The following CPEB3 variants were observed in gnomAD, a reference collection of about 807,000 sequenced individuals.
CPEB3 encodes cytoplasmic polyadenylation element-binding protein 3.
CPEB3 carries 20 observed loss-of-function variants against 67.2 expected under a neutral mutation model. The ratio of observed to expected loss-of-function variants is 0.30; its 90% CI spans 0.21 to 0.43. The LOEUF is 0.43. CPEB3 is among the 20% of genes least tolerant of loss of function. The pLI is 1.00. For synonymous variants in CPEB3, 376 were observed against 393.1 expected (o/e 0.96, Z 0.51); for missense variants, 746 against 968.6 (o/e 0.77, Z 3.05).
chr10:92,263,176 A>G (rs1852886715), intron 1 of CPEB3, among the ~76,000 whole-genome samples: 2 of 152,190 alleles, frequency 1.3e-5, no homozygotes, highest in African/African-American at 4.8e-5. Context: ...CCCAGGTTCA[A>G]GCAATTCTCA....
chr10:92,217,185 C>T (rs1220765585), intron 2 of CPEB3, among the ~76,000 whole-genome samples: 1 of 104,052 alleles, frequency 9.6e-6, no homozygotes, highest in Non-Finnish European at 1.8e-5. Context: ...TCCAGCCTGG[C>T]GACACAGCGA....
chr10:92,279,804 G>A (rs1842175664), intron 1 of CPEB3, among the ~76,000 whole-genome samples: 2 of 152,164 alleles, frequency 1.3e-5, no homozygotes, highest in Non-Finnish European at 2.9e-5. Flanking sequence ...GAACCCAGGA[G>A]TTTGAGACCA....
At chr10:92,214,609 A>G (rs943012044) in intron 2 of CPEB3, among the ~76,000 whole-genome samples, 14 of 152,044 alleles carry the variant, frequency 9.2e-5, no homozygotes, top group Non-Finnish European at 1.9e-4. Context: ...CAGTCCCCCA[A>G]GTAGCTGGGA....
intron 4 of CPEB3, among the ~76,000 whole-genome samples, chr10:92,176,657 T>C (rs879158314): frequency 2.0e-5 from 3 of 152,234 alleles, no homozygotes; most frequent in Non-Finnish European, 4.4e-5. Context: ...AAAGAGGAAC[T>C]GACCAGTCAA....
Position 92,245,934 on chromosome 10 carries a change from A to C in CPEB3, c.-11-5573T>G, listed in dbSNP as rs571406531. On this transcript the variant is annotated intron_variant, in intron 1 of 9. Coordinates refer to ENST00000265997, the MANE Select transcript of CPEB3 (RefSeq NM_014912.5). ...GCGCCTGTAATCCCATCTACTCAGG[A>C]GGCTGAGGCAGGAGAATCACTAGAA... is the stretch of plus-strand genomic sequence containing the variant. Among the ~76,000 whole-genome samples the C allele has an allele frequency of 4.6e-5, 7 of 152,170 alleles. No homozygotes were observed. The East Asian group carries it at 1.4e-3, about 29-fold the overall frequency.
intron 9 of CPEB3, among the ~76,000 whole-genome samples, chr10:92,057,173 TC>T (rs1284423184): frequency 6.6e-6 from 1 of 152,106 alleles, no homozygotes; most frequent in African/African-American, 2.4e-5. Context: ...GGTCCCCAAC[TC>T]TAGGACTTGA....
At chr10:92,114,412 T>C (rs1290322857) in intron 6 of CPEB3, among the ~76,000 whole-genome samples, 2 of 152,222 alleles carry the variant, frequency 1.3e-5, no homozygotes, top group East Asian at 1.9e-4. Context: ...ACAAGGTCAA[T>C]GTGAGGCGGA....
intron 2 of CPEB3, among the ~76,000 whole-genome samples, chr10:92,209,030 C>T (rs1398514359): frequency 6.6e-6 from 1 of 152,174 alleles, no homozygotes; most frequent in Non-Finnish European, 1.5e-5. Context: ...GACTATGCCT[C>T]ACTTAATCTT....
At chr10:92,118,932 C>T (rs1845183556) in intron 6 of CPEB3, 1 of 1,197,120 alleles carries the variant, frequency 8.4e-7, no homozygotes, top group Non-Finnish European at 1.2e-6. Flanking sequence ...CTGTTACTCC[C>T]TGGGAACTTT....
At chr10:92,218,126 A>G (rs1268708330) in intron 2 of CPEB3, among the ~76,000 whole-genome samples, 1 of 151,810 alleles carries the variant, frequency 6.6e-6, no homozygotes, top group Admixed American at 6.6e-5. Context: ...AACAACAACA[A>G]GGCCGGGCAC....
chr10:92,187,343 T>C (rs1848740119), intron 3 of CPEB3, among the ~76,000 whole-genome samples: 1 of 152,244 alleles, frequency 6.6e-6, no homozygotes, highest in Admixed American at 6.5e-5. Context: ...CTTTTCACTT[T>C]TCAAATCTCA....
intron 4 of CPEB3, among the ~76,000 whole-genome samples, chr10:92,157,718 G>GA (rs753471420): frequency 5.3e-5 from 8 of 152,064 alleles, no homozygotes; most frequent in Non-Finnish European, 7.4e-5. Flanking sequence ...TGTATGAAAA[G>GA]AACACAATGA....
At chr10:92,201,184 A>G (rs1336230841) in intron 2 of CPEB3, among the ~76,000 whole-genome samples, 1 of 152,196 alleles carries the variant, frequency 6.6e-6, no homozygotes, top group Non-Finnish European at 1.5e-5. Flanking sequence ...GGAAGGATAC[A>G]GAAAGGGAAA....
chr10:92,222,775 C>T (rs1850766722), intron 2 of CPEB3, among the ~76,000 whole-genome samples: 1 of 152,136 alleles, frequency 6.6e-6, no homozygotes, highest in African/African-American at 2.4e-5. Flanking sequence ...TACCCTTTTA[C>T]CCACCTCTGC....
intron 2 of CPEB3, among the ~76,000 whole-genome samples, chr10:92,231,214 A>C (rs564237024): frequency 6.6e-6 from 1 of 152,240 alleles, no homozygotes; most frequent in East Asian, 1.9e-4. Flanking sequence ...TAGAATAGGC[A>C]GTCACCCTAA....
chr10:92,246,830 T>A (rs1231802890), intron 1 of CPEB3, among the ~76,000 whole-genome samples: 3 of 152,180 alleles, frequency 2.0e-5, no homozygotes, highest in Non-Finnish European at 4.4e-5. Flanking sequence ...TTGTAATCAG[T>A]AACATAGAAA....
At chr10:92,157,873 AT>A (rs1169515243) in intron 4 of CPEB3, among the ~76,000 whole-genome samples, 1 of 152,176 alleles carries the variant, frequency 6.6e-6, no homozygotes, top group African/African-American at 2.4e-5. Context: ...CAACAAAAAA[AT>A]AATTTTAATG....
At chr10:92,209,941 C>CAAAAAAA (rs768962869) in intron 2 of CPEB3, among the ~76,000 whole-genome samples, 1 of 59,034 alleles carries the variant, frequency 1.7e-5, no homozygotes, top group Non-Finnish European at 3.1e-5. Flanking sequence ...GGCTCTGTCT[C>CAAAAAAA]AAAAAAAAAA....
chr10:92,244,679 C>T (rs1488158017), intron 1 of CPEB3, among the ~76,000 whole-genome samples: 7 of 151,914 alleles, frequency 4.6e-5, no homozygotes, highest in African/African-American at 1.2e-4. Flanking sequence ...CCTCGTGATC[C>T]GCCCGCCTCT....
Sources: allele counts gnomAD v4.1 joint callset (sites outside exome capture counted in the v4.1 genomes callset), GRCh38; gene constraint gnomAD v4.1.1; transcripts MANE v1.5; gene names NCBI Gene and HGNC (gene_info 2026-07-23, HGNC 2026-07-21).